The following VPS52 variants were observed in gnomAD, a reference collection of about 807,000 sequenced individuals.
The protein encoded by VPS52 is VPS52 subunit of GARP complex.
Under a neutral mutation model 98.7 loss-of-function variants are expected in VPS52, and 56 were observed. The observed-to-expected ratio is 0.57, with a 90% confidence interval of 0.46 to 0.71. The LOEUF (loss-of-function observed/expected upper bound fraction) is 0.71. Ranked by LOEUF, VPS52 falls within the 30% of genes least tolerant of loss-of-function variation. The pLI is 0.00. For missense variants in VPS52, 742 were observed against 925.9 expected, an observed-to-expected ratio of 0.80 and a Z score of 2.58; for synonymous variants, 348 against 346.4, an observed-to-expected ratio of 1.00 and a Z score of -0.05.
Position 33,271,666 on chromosome 6 carries a change from C to G in VPS52, c.10G>C (p.Ala4Pro). The change falls in exon 1 of 20, where the codon GCT becomes CCT. Residue 4 changes from alanine to proline, a missense_variant. By Grantham distance (27) the Ala-to-Pro change is conservative. Coordinates refer to ENST00000445902, the MANE Select transcript of VPS52 (RefSeq NM_022553.6). ...CGGGCCGCAGCCGCCATGGTCGCAG[C>G]GGCGGCCATTCCCCGCAGCCTCACT... MAA[A>P]ATMAAAAREL... 1 of 1,608,232 alleles carries G rather than the reference C, an allele frequency of 6.2e-7. No homozygotes were observed.
intron 12 of VPS52, among the ~76,000 whole-genome samples, chr6:33,266,110 T>G (rs1764272392): frequency 6.6e-6 from 1 of 150,822 alleles, no homozygotes; most frequent in African/African-American, 2.4e-5. Context: ...TCCTCCCGCC[T>G]CAGCCTCCCA....
chr6:33,251,406 C>T, intron 19 of VPS52, 112 bp downstream of exon 19: 1 of 740,822 alleles, frequency 1.3e-6, no homozygotes, highest in Non-Finnish European at 2.3e-6. Flanking sequence ...ACTTTGGGCA[C>T]AGCTAGTAAC....
chr6:33,257,816 T>C (rs1478724016), intron 17 of VPS52, among the ~76,000 whole-genome samples: 1 of 152,144 alleles, frequency 6.6e-6, no homozygotes, highest in Non-Finnish European at 1.5e-5. Flanking sequence ...GAGACCAGCC[T>C]GGGCAACATA....
Position 33,264,768 on chromosome 6 carries a change from C to G in VPS52, c.1400+14G>C, listed in dbSNP as rs776408113. On this transcript the variant is annotated intron_variant, in intron 13 of 19. Coordinates refer to ENST00000445902, the MANE Select transcript of VPS52 (RefSeq NM_022553.6). ...TCGTGGCCTGTTGGGCATCAAGGAC[C>G]AGAATTCAGTGACCTGTCCAGGGCA... 1 of 1,611,058 alleles carries G rather than the reference C, an allele frequency of 6.2e-7. No homozygotes were observed. The highest frequency in any genetic ancestry group is 8.5e-7 in the Non-Finnish European group (1 of 1,178,166).
Position 33,268,687 on chromosome 6 carries a change from G to A in VPS52, c.549-38C>T, listed in dbSNP as rs1764633322. ...GAGGGGTGGGATGAGTTACAAGGGAGACCCAGACATCCCTAAACCAGACCC... is the reference window on the plus strand; with the variant it reads ...GAGGGGTGGGATGAGTTACAAGGGAAACCCAGACATCCCTAAACCAGACCC... On this transcript the variant is annotated intron_variant, in intron 6 of 19. Coordinates refer to ENST00000445902, the MANE Select transcript of VPS52 (RefSeq NM_022553.6). The surrounding 1 kb of genome is among the most constrained non-coding windows in gnomAD (Gnocchi z 4.0). The A allele has an allele frequency of 6.4e-7, 1 of 1,564,876 alleles. No homozygotes were observed. Among genetic ancestry groups the A allele is most frequent in the South Asian group, 1.2e-5 (1 of 86,738 alleles).
chr6:33,264,657 G>T, intron 13 of VPS52, 125 bp downstream of exon 13: 2 of 1,403,334 alleles, frequency 1.4e-6, no homozygotes, highest in South Asian at 1.2e-5. Flanking sequence ...TACTGCCTCC[G>T]GAGCAAATGA....
rs1424031786 is a variant in VPS52 at position 33,268,780 on chromosome 6, A to T, written c.549-131T>A. ...TTGCATTGTACCATATAGTCAGGACACATGTACAAAGTTTTCTATTCCTGG... is the reference window on the plus strand; with the variant it reads ...TTGCATTGTACCATATAGTCAGGACTCATGTACAAAGTTTTCTATTCCTGG... On this transcript the variant is annotated intron_variant, in intron 6 of 19. Coordinates refer to ENST00000445902, the MANE Select transcript of VPS52 (RefSeq NM_022553.6). This position sits in a 1 kb window ranked among gnomAD's most constrained non-coding sequence, Gnocchi z 4.0. The T allele has an allele frequency of 3.2e-6, 4 of 1,236,946 alleles. No individual in the cohort carries two copies. The Admixed American group carries it at 1.1e-4, about 35-fold the overall frequency. The allele number at this position is 1,236,946 out of a possible 1,614,324, so 76.6% of individuals were successfully genotyped here.
intron 17 of VPS52, among the ~76,000 whole-genome samples, chr6:33,262,782 C>T (rs978874760): frequency 2.0e-5 from 3 of 152,146 alleles, no homozygotes; most frequent in Admixed American, 2.0e-4. Flanking sequence ...GAAAGACAAA[C>T]GTCATGTGTT....
Position 33,264,112 on chromosome 6 carries a change from G to A in VPS52, c.1525-9C>T, listed in dbSNP as rs573952590. ...GCATAGCGGCGTGTGATCTAGGAGA[G>A]AGTGGGAAGGAAAATCACACCCACC... is the stretch of plus-strand genomic sequence containing the variant. On this transcript the variant is annotated splice_polypyrimidine_tract_variant and intron_variant, in intron 14 of 19. Coordinates refer to ENST00000445902, the MANE Select transcript of VPS52 (RefSeq NM_022553.6). 3.7e-6 allele frequency: 6 copies of A among 1,613,404 alleles called. No individual in the cohort carries two copies. In the East Asian group the frequency reaches 6.7e-5, roughly 18 times the overall value.
rs370386307 is a variant in VPS52, at chr6:33,267,160, C to G, written c.1125+28G>C. The G allele has an allele frequency of 2.7e-6, 4 of 1,464,984 alleles. No individual in the cohort carries two copies. Among genetic ancestry groups the G allele is most frequent in the Non-Finnish European group, 2.7e-6 (3 of 1,106,500 alleles). The allele number at this position is 1,464,984 out of a possible 1,614,324, so 90.7% of individuals were successfully genotyped here. A position where few individuals can be genotyped will look rare whatever the true frequency, so the allele number is the denominator to read the frequency against. ...TCCCCACCGTGCTCAGAGCCTCTTT[C>G]GTGACTGAAGCTTGTTCCTCCTCAT... On this transcript the variant is annotated intron_variant, in intron 11 of 19. Transcript: ENST00000445902. The surrounding 1 kb of genome is among the most constrained non-coding windows in gnomAD (Gnocchi z 4.2).
At chr6:33,269,269 C>G (rs2150857172) in intron 5 of VPS52, 80 bp from the exon 6 acceptor site, 3 of 1,574,294 alleles carry the variant, frequency 1.9e-6, no homozygotes, top group Non-Finnish European at 2.6e-6. Flanking sequence ...TTTGTGAAGT[C>G]TTCAGTATTT....
rs2150836675 is a variant in VPS52 at position 33,264,565 on chromosome 6, G to A, written c.1401-68C>T. 1.9e-6 allele frequency: 3 copies of A among 1,600,574 alleles called. No homozygotes were observed. In the East Asian group the frequency reaches 6.7e-5, roughly 36 times the overall value. ...TTGGAGGGGGATGGGAGGGAGTGGG[G>A]CATCATTCAGTTTAATGGTCAATAG... On this transcript the variant is annotated intron_variant, in intron 13 of 19. Coordinates refer to ENST00000445902, the MANE Select transcript of VPS52 (RefSeq NM_022553.6).
At chr6:33,259,362 A>G (rs1763375871) in intron 17 of VPS52, among the ~76,000 whole-genome samples, 1 of 152,154 alleles carries the variant, frequency 6.6e-6, no homozygotes, top group Non-Finnish European at 1.5e-5. Flanking sequence ...GCCTTCAACC[A>G]TATCTATTAC....
At position 33,250,675 on chromosome 6, in the gene VPS52, C is replaced by T. The variant is rs1447846756; in HGVS notation, c.*166G>A. 1.1e-6 allele frequency: 1 copy of T among 889,242 alleles called. No homozygotes were observed. Among genetic ancestry groups the T allele is most frequent in the Admixed American group, 2.8e-5 (1 of 35,636 alleles). 55.1% of individuals were successfully genotyped at this position (889,242 alleles called of 1,614,324 possible). A position where few individuals can be genotyped will look rare whatever the true frequency, so the allele number is the denominator to read the frequency against. Reference sequence around the variant, plus strand: ...TATTCAGAAGGCCAAGGGGATCCAGCTTATCCTGTTGGGCAAGGTGCTGGG... The same window carrying T: ...TATTCAGAAGGCCAAGGGGATCCAGTTTATCCTGTTGGGCAAGGTGCTGGG... On this transcript the variant is annotated 3_prime_UTR_variant, in exon 20 of 20. Coordinates refer to ENST00000445902, the MANE Select transcript of VPS52 (RefSeq NM_022553.6).
At chr6:33,264,231 C>A in intron 14 of VPS52, 128 bp from the exon 15 acceptor site, 2 of 1,538,624 alleles carry the variant, frequency 1.3e-6, no homozygotes, top group Non-Finnish European at 1.8e-6. Context: ...CCACAGTGCA[C>A]CACTCACCAT....
At position 33,269,867 on chromosome 6, in the gene VPS52, G is replaced by A. The variant is rs187508580; in HGVS notation, c.229-48C>T. 2.2e-4 allele frequency: 357 copies of A among 1,594,166 alleles called. No individual in the cohort carries two copies. The African/African-American group carries it at 2.3e-3, about 10-fold the overall frequency. ...GGTCAGAAGGAAGTCTCAGTAAAGGGACACTGTAACAGAATCAGTGAAGGA... is the reference window on the plus strand; with the variant it reads ...GGTCAGAAGGAAGTCTCAGTAAAGGAACACTGTAACAGAATCAGTGAAGGA... On this transcript the variant is annotated intron_variant, in intron 3 of 19. Coordinates refer to ENST00000445902, the MANE Select transcript of VPS52 (RefSeq NM_022553.6).
Position 33,269,009 on chromosome 6 carries a change from C to T in VPS52, c.548+5G>A. 6.2e-7 allele frequency: 1 copy of T among 1,611,776 alleles called. No homozygotes were observed. The highest frequency in any genetic ancestry group is 8.5e-7 in the Non-Finnish European group (1 of 1,179,826). ...ACATTATAACCCTTCAAACTGGTAA[C>T]TCACGTGACCAGAGCAGAAGGCACC... On this transcript the variant is annotated splice_donor_5th_base_variant and intron_variant, in intron 6 of 19. Coordinates refer to ENST00000445902, the MANE Select transcript of VPS52 (RefSeq NM_022553.6).
In VPS52 at chr6:33,267,332, T is replaced by C; in HGVS notation, c.992-11A>G. ...GCTTTGAGAAGAATCGTAAGATGGG[T>C]CAGAGTCAGGGAAAACAATGAGACC... On this transcript the variant is annotated splice_polypyrimidine_tract_variant and intron_variant, in intron 10 of 19. Coordinates refer to ENST00000445902, the MANE Select transcript of VPS52 (RefSeq NM_022553.6). This position sits in a 1 kb window ranked among gnomAD's most constrained non-coding sequence, Gnocchi z 4.2. 6.4e-7 allele frequency: 1 copy of C among 1,565,114 alleles called. No individual in the cohort carries two copies. The highest frequency in any genetic ancestry group is 8.6e-7 in the Non-Finnish European group (1 of 1,156,192).
At chr6:33,252,007 G>T (rs1374733575) in intron 17 of VPS52, 36 bp from the exon 18 acceptor site, 1 of 1,577,944 alleles carries the variant, frequency 6.3e-7, no homozygotes, top group Non-Finnish European at 8.7e-7. Context: ...CAGGTGTCCT[G>T]GTGTCAGCAG....
Sources: allele counts gnomAD v4.1 joint callset (sites outside exome capture counted in the v4.1 genomes callset), GRCh38; gene constraint gnomAD v4.1.1; non-coding constraint Gnocchi (gnomAD v3.1); transcripts MANE v1.5; gene names NCBI Gene and HGNC (gene_info 2026-07-23, HGNC 2026-07-21).